Variants in CAPN8 observed in about 807,000 individuals in gnomAD.
The protein encoded by CAPN8 is calpain-8.
In CAPN8, 87 loss-of-function variants were observed where a neutral mutation model predicts 80.9. The observed-to-expected ratio is 1.07, with a 90% CI of 0.90 to 1.28. CAPN8 has a LOEUF of 1.28. Ranked by LOEUF, CAPN8 falls within the 50% of genes most tolerant of loss-of-function variation. CAPN8 has a pLI of 0.00. For synonymous variants in CAPN8, 299 were observed against 273.8 expected (o/e 1.09, Z -0.91); for missense variants, 757 against 702.0 (o/e 1.08, Z -0.89).
chr1:223,649,360 C>G (rs184466042), intron 2 of CAPN8, among the ~76,000 whole-genome samples: 2 of 152,214 alleles, frequency 1.3e-5, no homozygotes, highest in Non-Finnish European at 2.9e-5. Context: ...CTGTGAGAAA[C>G]AGGCTTACTC....
At chr1:223,643,264 C>T (rs1258030087) in intron 2 of CAPN8, among the ~76,000 whole-genome samples, 1 of 152,236 alleles carries the variant, frequency 6.6e-6, no homozygotes. Flanking sequence ...TGTCAAGTGT[C>T]CCCTCCGAAA....
chr1:223,609,278 C>T lies in CAPN8; in HGVS notation c.1410G>A (p.Leu470=), dbSNP rs1382969940. ...PSARTSTYVN[L]REVSGRARLP... is the part of the protein sequence containing the mutation. ...GCCGGGCCCGGCCAGAGACCTCCCGCAGGTTGACGTAGGTGCTGGTGCGGG... is the reference window on the plus strand; with the variant it reads ...GCCGGGCCCGGCCAGAGACCTCCCGTAGGTTGACGTAGGTGCTGGTGCGGG... Residue 470 remains leucine, a synonymous_variant, in exon 12 of 21, where the codon CTG becomes CTA. Coordinates refer to ENST00000366872, the MANE Select transcript of CAPN8 (RefSeq NM_001143962.2). 2.5e-6 allele frequency: 1 copy of T among 398,564 alleles called. No homozygotes were observed. Among genetic ancestry groups the T allele is most frequent in the Non-Finnish European group, 4.4e-6 (1 of 226,110 alleles). The allele number at this position is 398,564 out of a possible 1,614,324, so 24.7% of individuals were successfully genotyped here. A position where few individuals can be genotyped will look rare whatever the true frequency, so the allele number is the denominator to read the frequency against.
intron 13 of CAPN8, among the ~76,000 whole-genome samples, chr1:223,555,803 G>A (rs1042344765): frequency 3.3e-5 from 5 of 152,184 alleles, no homozygotes; most frequent in Non-Finnish European, 7.3e-5. Flanking sequence ...TGAGGAAAAC[G>A]TGTACGTGGT....
At chr1:223,651,070 C>T (rs12130866) in intron 2 of CAPN8, among the ~76,000 whole-genome samples, 8,048 of 152,196 alleles carry the variant, frequency 0.053, 273 homozygotes, top group Non-Finnish European at 0.071. Flanking sequence ...CTTATTCCAT[C>T]ACCACATGGG....
At chr1:223,552,559 C>CAAA (rs1167143421) in intron 14 of CAPN8, among the ~76,000 whole-genome samples, 1,055 of 65,314 alleles carry the variant, frequency 0.016, 36 homozygotes, top group African/African-American at 0.056. Flanking sequence ...CAGTCCATCT[C>CAAA]AAAAAAAAAA....
intron 2 of CAPN8, 113 bp downstream of exon 2, chr1:223,654,217 C>T: frequency 1.1e-6 from 1 of 889,010 alleles, no homozygotes; most frequent in South Asian, 1.6e-5. Flanking sequence ...CAGACGGACA[C>T]ATCAGGTACC....
chr1:223,632,067 G>A (rs1297988485), intron 2 of CAPN8, among the ~76,000 whole-genome samples: 1 of 152,132 alleles, frequency 6.6e-6, no homozygotes, highest in Non-Finnish European at 1.5e-5. Context: ...CCCAGCTGGA[G>A]GAGAGTTTAA....
chr1:223,628,803 C>T, intron 2 of CAPN8, 23 bp from the exon 3 acceptor site: 1 of 1,540,170 alleles, frequency 6.5e-7, no homozygotes, highest in Non-Finnish European at 8.8e-7. Flanking sequence ...ACAGGGGACA[C>T]AGATTGGTCA....
intron 15 of CAPN8, among the ~76,000 whole-genome samples, chr1:223,549,939 G>C (rs1358888195): frequency 6.6e-6 from 1 of 152,216 alleles, no homozygotes; most frequent in Non-Finnish European, 1.5e-5. Flanking sequence ...GAGGTTATAT[G>C]ATTTGCTCAA....
At chr1:223,638,005 G>T (rs909757771) in intron 2 of CAPN8, among the ~76,000 whole-genome samples, 3 of 152,142 alleles carry the variant, frequency 2.0e-5, no homozygotes, top group African/African-American at 7.2e-5. Flanking sequence ...AGGGATATCT[G>T]TATATATCTC....
intron 12 of CAPN8, among the ~76,000 whole-genome samples, chr1:223,558,376 C>T (rs1656952385): frequency 6.6e-6 from 1 of 152,170 alleles, no homozygotes. Context: ...AGTTTTTCAT[C>T]AGAGACAAGA....
chr1:223,653,200 T>C (rs1658386909), intron 2 of CAPN8, among the ~76,000 whole-genome samples: 1 of 150,540 alleles, frequency 6.6e-6, no homozygotes, highest in African/African-American at 2.4e-5. Context: ...GCTCGGGAAA[T>C]GGAGGCTGTG....
intron 2 of CAPN8, among the ~76,000 whole-genome samples, chr1:223,630,320 C>T (rs1189825808): frequency 5.3e-5 from 8 of 152,046 alleles, no homozygotes; most frequent in Non-Finnish European, 1.2e-4. Flanking sequence ...CTGTCTCACA[C>T]ACACACATAC....
intron 13 of CAPN8, among the ~76,000 whole-genome samples, chr1:223,557,391 G>A (rs990821520): frequency 6.8e-5 from 8 of 117,816 alleles, no homozygotes; most frequent in Admixed American, 1.7e-4. Context: ...AGTGTTGGAC[G>A]GAGGGGTAGA....
intron 11 of CAPN8, among the ~76,000 whole-genome samples, chr1:223,610,151 A>G (rs897730140): frequency 2.1e-4 from 32 of 152,354 alleles, no homozygotes; most frequent in African/African-American, 7.7e-4. Flanking sequence ...CTTCATCAAG[A>G]TGCCTGTGAC....
Position 223,545,242 on chromosome 1 carries a change from G to GA in CAPN8, c.1821dup (p.Gln608SerfsTer11). The GA allele has an allele frequency of 6.4e-7, 1 of 1,551,694 alleles. No individual in the cohort carries two copies. The highest frequency in any genetic ancestry group is 8.7e-7 in the Non-Finnish European group (1 of 1,146,982). ...GAAAAGAGAGTTACCAGATACTTCT[G>GA]AATCTTCAGCCAGAGCGTCTTGAAT... On this transcript the variant is annotated frameshift_variant, in exon 17 of 21. Transcript: ENST00000366872. LOFTEE classifies it high-confidence loss of function.
At chr1:223,624,153 C>T (rs1004503959) in intron 6 of CAPN8, among the ~76,000 whole-genome samples, 2 of 152,212 alleles carry the variant, frequency 1.3e-5, no homozygotes, top group South Asian at 4.1e-4. Context: ...TCACTGCAGG[C>T]TCTCAAGCGC....
chr1:223,663,073 G>T (rs752344639), intron 1 of CAPN8, among the ~76,000 whole-genome samples: 2 of 152,194 alleles, frequency 1.3e-5, no homozygotes, highest in Non-Finnish European at 2.9e-5. Context: ...CCAAATAGGA[G>T]TCCTTCAATT....
At chr1:223,550,879 GC>G (rs1656767594) in intron 15 of CAPN8, 80 bp downstream of exon 15, 1 of 687,324 alleles carries the variant, frequency 1.5e-6, no homozygotes, top group South Asian at 1.6e-5. Flanking sequence ...GGTGCTGCCA[GC>G]CCAATGCCTG....
Sources: allele counts gnomAD v4.1 joint callset (sites outside exome capture counted in the v4.1 genomes callset), GRCh38; gene constraint gnomAD v4.1.1; transcripts MANE v1.5; gene names NCBI Gene and HGNC (gene_info 2026-07-23, HGNC 2026-07-21).